Variants in SNX10 observed in about 807,000 individuals in gnomAD.
The protein encoded by SNX10 is sorting nexin-10.
SNX10 carries 25 observed loss-of-function variants against 28.5 expected under a neutral mutation model. The ratio of observed to expected loss-of-function variants is 0.88; its 90% CI spans 0.64 to 1.22. The LOEUF (loss-of-function observed/expected upper bound fraction) is 1.22. SNX10 is among the 50% of genes most tolerant of loss of function. The probability of loss-of-function intolerance (pLI) is 0.00; values close to 1 mark genes in which losing one functional copy is unlikely to be tolerated. For missense variants in SNX10, 223 were observed against 242.6 expected (o/e 0.92, Z 0.54); for synonymous variants, 62 against 81.4 (o/e 0.76, Z 1.28).
chr7:26,336,485 C>T (rs1453033748), intron 1 of SNX10, among the ~76,000 whole-genome samples: 1 of 152,134 alleles, frequency 6.6e-6, no homozygotes, highest in Non-Finnish European at 1.5e-5. Context: ...GAGTGGATGA[C>T]TTGAGGTCAG....
At chr7:26,358,409 C>T (rs1320269527) in intron 2 of SNX10, among the ~76,000 whole-genome samples, 2 of 152,108 alleles carry the variant, frequency 1.3e-5, no homozygotes, top group Middle Eastern at 3.4e-3. Flanking sequence ...TGATGGTTGT[C>T]TCTTAATGCG....
intron 1 of SNX10, among the ~76,000 whole-genome samples, chr7:26,306,922 T>A (rs1012261432): frequency 2.8e-4 from 42 of 152,076 alleles, no homozygotes; most frequent in African/African-American, 1.0e-3. Context: ...AGCACAGAGA[T>A]GAAGTAATTT....
intron 2 of SNX10, among the ~76,000 whole-genome samples, chr7:26,348,112 A>G (rs1402931721): frequency 2.0e-5 from 3 of 152,000 alleles, no homozygotes; most frequent in Admixed American, 1.3e-4. Flanking sequence ...TGTAACTACC[A>G]CTCAGATCAA....
At chr7:26,372,326 A>G in intron 6 of SNX10, 165 bp from the exon 7 acceptor site, 1 of 630,954 alleles carries the variant, frequency 1.6e-6, no homozygotes, top group East Asian at 2.6e-5. Flanking sequence ...TTATCTAGCT[A>G]AAAAAATACC....
intron 1 of SNX10, among the ~76,000 whole-genome samples, chr7:26,315,385 A>G (rs182751048): frequency 8.3e-4 from 127 of 152,178 alleles, no homozygotes; most frequent in African/African-American, 2.7e-3. Flanking sequence ...ATCACAAAAT[A>G]TGGCTGGGTG....
chr7:26,335,527 G>A (rs1787893213), intron 1 of SNX10, among the ~76,000 whole-genome samples: 1 of 151,906 alleles, frequency 6.6e-6, no homozygotes, highest in Non-Finnish European at 1.5e-5. Flanking sequence ...CTGTGTCTGG[G>A]GAGGGTCATG....
intron 1 of SNX10, among the ~76,000 whole-genome samples, chr7:26,316,999 G>A (rs1010707054): frequency 2.0e-5 from 3 of 152,106 alleles, no homozygotes; most frequent in Non-Finnish European, 4.4e-5. Context: ...TCCTGTATGC[G>A]TTACATACCT....
At position 26,364,585 on chromosome 7, in the gene SNX10, T is replaced by G; in HGVS notation, c.162T>G (p.Tyr54Ter). Reference sequence around the variant, plus strand: ...AAACATCCTGTGTACGAAGAAGATATAGAGAATTCGTGTGGCTGAGGCAGA... The same window carrying G: ...AAACATCCTGTGTACGAAGAAGATAGAGAGAATTCGTGTGGCTGAGGCAGA... ...TMKTSCVRRRYREFVWLRQRL... is the reference protein window; with the variant it reads ...TMKTSCVRRR Residue 54 changes from tyrosine (Y) to a stop codon, truncating the protein, a stop_gained, in exon 4 of 7, where the codon TAT becomes TAG. Transcript: ENST00000338523. LOFTEE classifies it high-confidence loss of function. This position sits in a 1 kb window ranked among gnomAD's most constrained non-coding sequence, Gnocchi z 4.9. 3.1e-6 allele frequency: 5 copies of G among 1,614,022 alleles called. No individual in the cohort carries two copies. The highest frequency in any genetic ancestry group is 4.2e-6 in the Non-Finnish European group (5 of 1,179,932).
chr7:26,304,359 A>G (rs907058569), intron 1 of SNX10, among the ~76,000 whole-genome samples: 1 of 152,282 alleles, frequency 6.6e-6, no homozygotes, highest in East Asian at 1.9e-4. Context: ...TCAGGTTGCC[A>G]TTGTTACTTT....
At chr7:26,319,954 A>G (rs1009923565) in intron 1 of SNX10, among the ~76,000 whole-genome samples, 2 of 151,196 alleles carry the variant, frequency 1.3e-5, no homozygotes, top group African/African-American at 4.8e-5. Context: ...TGTTACTTGT[A>G]TTTATATATT....
At chr7:26,297,002 A>G (rs1289907492) in intron 1 of SNX10, among the ~76,000 whole-genome samples, 1 of 152,258 alleles carries the variant, frequency 6.6e-6, no homozygotes, top group Admixed American at 6.5e-5. Context: ...TCCCTGACTC[A>G]TACCATTCAC....
chr7:26,367,495 C>A (rs1227837457), intron 5 of SNX10, among the ~76,000 whole-genome samples: 1 of 152,206 alleles, frequency 6.6e-6, no homozygotes, highest in Non-Finnish European at 1.5e-5. Flanking sequence ...GCTGGTGCTT[C>A]CACACAGCCT....
chr7:26,321,515 G>T (rs1347772399), intron 1 of SNX10, among the ~76,000 whole-genome samples: 1 of 152,130 alleles, frequency 6.6e-6, no homozygotes. Flanking sequence ...TCTTTAATTT[G>T]GTCAGTGTTG....
chr7:26,334,315 A>G (rs1787845239), intron 1 of SNX10, among the ~76,000 whole-genome samples: 1 of 152,218 alleles, frequency 6.6e-6, no homozygotes, highest in Admixed American at 6.5e-5. Flanking sequence ...GTTTTTGAAG[A>G]GAGAGAATGT....
At chr7:26,352,640 G>A (rs2128016071) in intron 2 of SNX10, among the ~76,000 whole-genome samples, 1 of 152,206 alleles carries the variant, frequency 6.6e-6, no homozygotes, top group East Asian at 1.9e-4. Flanking sequence ...ATTTCAGTAT[G>A]CATTTCTAAC....
intron 1 of SNX10, among the ~76,000 whole-genome samples, chr7:26,343,443 G>T (rs537311594): frequency 6.6e-6 from 1 of 152,294 alleles, no homozygotes; most frequent in Admixed American, 6.5e-5. Context: ...CAGGACAGTT[G>T]TGAAGTTTAA....
At chr7:26,328,014 G>A (rs1787572277) in intron 1 of SNX10, among the ~76,000 whole-genome samples, 1 of 152,106 alleles carries the variant, frequency 6.6e-6, no homozygotes, top group South Asian at 2.1e-4. Context: ...TTACAGGCGT[G>A]AGGTGCCCGG....
chr7:26,293,575 CA>C (rs920246040), intron 1 of SNX10, among the ~76,000 whole-genome samples: 1 of 152,106 alleles, frequency 6.6e-6, no homozygotes, highest in South Asian at 2.1e-4. Context: ...AATAAAAATA[CA>C]AAAATAAAAT....
intron 1 of SNX10, among the ~76,000 whole-genome samples, chr7:26,344,648 G>A (rs142372057): frequency 3.2e-3 from 494 of 152,100 alleles, no homozygotes; most frequent in Non-Finnish European, 4.8e-3. Context: ...TTAGGAAGTC[G>A]CCTCCAAAGC....
Sources: gnomAD v4.1 joint callset for allele counts (sites outside exome capture counted in the v4.1 genomes callset) on GRCh38, gnomAD v4.1.1 for gene constraint, Gnocchi (gnomAD v3.1) non-coding constraint, MANE v1.5 for transcripts, NCBI Gene and HGNC (gene_info 2026-07-23, HGNC 2026-07-21) for gene names.